BBX: variants seen among roughly 807,000 people sequenced by gnomAD.
BBX encodes the protein HMG box transcription factor BBX.
A neutral mutation model predicts 100.2 loss-of-function variants in BBX; 30 were observed. The ratio of observed to expected loss-of-function variants is 0.30; its 90% CI spans 0.22 to 0.41. The LOEUF is 0.41. Among genes scored for constraint, BBX ranks in the 10% least tolerant of loss-of-function variants. The probability of loss-of-function intolerance (pLI) is 1.00; values close to 1 mark genes in which losing one functional copy is unlikely to be tolerated. For missense variants in BBX, 1,023 were observed against 1,129.8 expected, an observed-to-expected ratio of 0.91 and a Z score of 1.35; for synonymous variants, 376 against 388.1, an observed-to-expected ratio of 0.97 and a Z score of 0.37.
chr3:107,721,218 C>G (rs1464145952), intron 5 of BBX, among the ~76,000 whole-genome samples: 1 of 151,932 alleles, frequency 6.6e-6, no homozygotes. Flanking sequence ...TTTTTTGAAA[C>G]CTTTAACACA....
intron 2 of BBX, among the ~76,000 whole-genome samples, chr3:107,545,815 A>G (rs893936058): frequency 2.0e-5 from 3 of 152,162 alleles, no homozygotes; most frequent in Non-Finnish European, 4.4e-5. Context: ...TGATGCATTA[A>G]GTGGATAAAA....
At chr3:107,705,621 T>A (rs1264272763) in intron 3 of BBX, among the ~76,000 whole-genome samples, 3 of 152,212 alleles carry the variant, frequency 2.0e-5, no homozygotes, top group African/African-American at 7.2e-5. Context: ...CTATGCTCCC[T>A]TTTGAATGAC....
chr3:107,559,944 A>G (rs1301850920), intron 2 of BBX, among the ~76,000 whole-genome samples: 5 of 152,050 alleles, frequency 3.3e-5, no homozygotes, highest in Admixed American at 1.3e-4. Flanking sequence ...AGGTTTTGCC[A>G]TGTTTCCCAG....
intron 4 of BBX, among the ~76,000 whole-genome samples, chr3:107,715,928 C>G (rs558105623): frequency 1.3e-5 from 2 of 152,332 alleles, no homozygotes; most frequent in Non-Finnish European, 2.9e-5. Context: ...TTTCACTAAA[C>G]AAGAAAGCTT....
chr3:107,769,688 A>T (rs1479241985), intron 10 of BBX, among the ~76,000 whole-genome samples: 1 of 152,102 alleles, frequency 6.6e-6, no homozygotes, highest in African/African-American at 2.4e-5. Flanking sequence ...GGCTTCAGGG[A>T]ACAGAACTGA....
intron 15 of BBX, among the ~76,000 whole-genome samples, chr3:107,796,907 T>G (rs2069733486): frequency 6.6e-6 from 1 of 152,164 alleles, no homozygotes; most frequent in Non-Finnish European, 1.5e-5. Context: ...GATTACTTAC[T>G]TGAAAAGGTG....
chr3:107,532,676 C>G (rs935160897), intron 2 of BBX, among the ~76,000 whole-genome samples: 4 of 152,140 alleles, frequency 2.6e-5, no homozygotes, highest in African/African-American at 9.7e-5. Context: ...CTACAGGTAT[C>G]AGGGTTTTCA....
chr3:107,795,986 G>A (rs908146505), intron 15 of BBX, among the ~76,000 whole-genome samples: 1 of 152,152 alleles, frequency 6.6e-6, no homozygotes, highest in African/African-American at 2.4e-5. Context: ...TATGACTCTG[G>A]AGCTGACTGG....
intron 2 of BBX, among the ~76,000 whole-genome samples, chr3:107,607,310 A>G (rs541127109): frequency 1.3e-5 from 2 of 151,992 alleles, no homozygotes; most frequent in Non-Finnish European, 2.9e-5. Context: ...TTGGCTCCTG[A>G]CCTCAGGTGA....
At chr3:107,626,198 G>A (rs554401868) in intron 2 of BBX, among the ~76,000 whole-genome samples, 115 of 152,204 alleles carry the variant, frequency 7.6e-4, no homozygotes, top group African/African-American at 2.6e-3. Context: ...TGTTCTATAT[G>A]GGTGACTGGA....
chr3:107,619,868 A>G (rs1476522952), intron 2 of BBX, among the ~76,000 whole-genome samples: 2 of 152,056 alleles, frequency 1.3e-5, no homozygotes, highest in African/African-American at 4.8e-5. Context: ...AAGATTTGAG[A>G]GGGAGGGGAG....
intron 17 of BBX, among the ~76,000 whole-genome samples, chr3:107,803,026 A>G (rs1403703108): frequency 6.6e-6 from 1 of 152,224 alleles, no homozygotes; most frequent in Non-Finnish European, 1.5e-5. Flanking sequence ...TACTTTCAGT[A>G]TATTTTGAAA....
intron 3 of BBX, among the ~76,000 whole-genome samples, chr3:107,674,220 A>T (rs2059168714): frequency 2.0e-5 from 3 of 152,170 alleles, no homozygotes; most frequent in African/African-American, 7.2e-5. Context: ...CTATGTAACT[A>T]ATACCAAAAA....
chr3:107,578,590 A>G (rs1302127688), intron 2 of BBX, among the ~76,000 whole-genome samples: 4 of 152,178 alleles, frequency 2.6e-5, no homozygotes, highest in East Asian at 3.8e-4. Context: ...TTCCAGAAAC[A>G]TGGGTTTTTT....
At chr3:107,786,588 G>C (rs568171097) in intron 13 of BBX, among the ~76,000 whole-genome samples, 1 of 152,174 alleles carries the variant, frequency 6.6e-6, no homozygotes, top group Non-Finnish European at 1.5e-5. Flanking sequence ...GATCAACTGA[G>C]TATCTACATT....
At chr3:107,588,307 G>A (rs373286420) in intron 2 of BBX, among the ~76,000 whole-genome samples, 18 of 151,162 alleles carry the variant, frequency 1.2e-4, no homozygotes, top group African/African-American at 4.4e-4. Flanking sequence ...ACACTTTGAG[G>A]GCTGTGTGAA....
At chr3:107,524,226 A>G (rs2047577566) in intron 1 of BBX, 1 of 152,310 alleles carries the variant, frequency 6.6e-6, no homozygotes, top group Non-Finnish European at 1.5e-5. Flanking sequence ...TCGCGATGAC[A>G]GAAAACTTGC....
At chr3:107,802,234 C>T (rs1221700801) in intron 17 of BBX, among the ~76,000 whole-genome samples, 2 of 152,226 alleles carry the variant, frequency 1.3e-5, no homozygotes, top group Non-Finnish European at 2.9e-5. Context: ...GCTGTAGGCC[C>T]CATGCTCCTT....
intron 2 of BBX, among the ~76,000 whole-genome samples, chr3:107,561,567 T>C (rs142943302): frequency 7.9e-5 from 12 of 152,300 alleles, no homozygotes; most frequent in Non-Finnish European, 1.8e-4. Flanking sequence ...GAATGAATTA[T>C]TATGGATTAA....
Sources: gnomAD v4.1 joint callset for allele counts (sites outside exome capture counted in the v4.1 genomes callset) on GRCh38, gnomAD v4.1.1 for gene constraint, MANE v1.5 for transcripts, NCBI Gene and HGNC (gene_info 2026-07-23, HGNC 2026-07-21) for gene names.